The following AOPEP variants were observed in gnomAD, a reference collection of about 807,000 sequenced individuals.
AOPEP encodes aminopeptidase O (putative), also known as aminopeptidase O.
In AOPEP, 77 loss-of-function variants were observed where a neutral mutation model predicts 98.1. That is an observed-to-expected ratio of 0.78 (90% CI 0.65 to 0.95). AOPEP has a LOEUF of 0.95. Ranked by LOEUF, AOPEP falls within the 40% of genes least tolerant of loss-of-function variation. The pLI is 0.00. For missense variants in AOPEP, 1,024 were observed against 1,024.7 expected, an observed-to-expected ratio of 1.00 and a Z score of 0.01; for synonymous variants, 346 against 365.3, an observed-to-expected ratio of 0.95 and a Z score of 0.60.
chr9:95,139,106 G>A, the AOPEP span, among the ~76,000 whole-genome samples: 1 of 152,184 alleles, frequency 6.6e-6, no homozygotes, highest in African/African-American at 2.4e-5. Context: ...CAACATATTT[G>A]TGTTCTACCT....
intron 5 of AOPEP, among the ~76,000 whole-genome samples, chr9:94,854,389 A>G (rs1247091540): frequency 6.6e-6 from 1 of 152,114 alleles, no homozygotes; most frequent in Non-Finnish European, 1.5e-5. Context: ...TCTAAAGGCC[A>G]TTTCTATTAT....
intron 5 of AOPEP, among the ~76,000 whole-genome samples, chr9:94,803,480 G>T (rs991118011): frequency 1.3e-5 from 2 of 152,128 alleles, no homozygotes; most frequent in African/African-American, 4.8e-5. Context: ...ACGTATCATA[G>T]TTTTTATTGA....
intron 9 of AOPEP, among the ~76,000 whole-genome samples, chr9:94,956,689 A>G (rs1463326684): frequency 1.3e-5 from 2 of 152,250 alleles, no homozygotes; most frequent in African/African-American, 2.4e-5. Context: ...CAAGCAGCAC[A>G]TAGCAAGGAA....
At chr9:94,984,860 A>T (rs2060419346) in intron 11 of AOPEP, among the ~76,000 whole-genome samples, 1 of 152,220 alleles carries the variant, frequency 6.6e-6, no homozygotes, top group African/African-American at 2.4e-5. Flanking sequence ...GTAAAGATAG[A>T]GCTGGTTAAT....
chr9:94,967,950 A>T (rs2059308464), intron 10 of AOPEP, 149 bp downstream of exon 10: 11 of 675,746 alleles, frequency 1.6e-5, no homozygotes, highest in South Asian at 1.2e-4. Flanking sequence ...GGAGTACAGG[A>T]TCATCAGCCA....
intron 1 of AOPEP, among the ~76,000 whole-genome samples, chr9:94,732,310 T>C (rs1830739299): frequency 1.3e-5 from 2 of 151,906 alleles, no homozygotes; most frequent in African/African-American, 4.8e-5. Context: ...TAAGAATGGG[T>C]ACTAATTCCC....
intron 1 of AOPEP, among the ~76,000 whole-genome samples, chr9:94,754,517 T>C (rs1356883072): frequency 6.6e-6 from 1 of 151,914 alleles, no homozygotes; most frequent in Non-Finnish European, 1.5e-5. Flanking sequence ...GAAGAAAAAA[T>C]GAGATGTCTG....
chr9:94,819,894 A>C (rs1852619738), intron 5 of AOPEP, among the ~76,000 whole-genome samples: 1 of 151,408 alleles, frequency 6.6e-6, no homozygotes, highest in Non-Finnish European at 1.5e-5. Flanking sequence ...TTAATTTTGC[A>C]AAAGGACCAA....
intron 10 of AOPEP, among the ~76,000 whole-genome samples, chr9:94,973,573 C>G (rs902022652): frequency 1.3e-5 from 2 of 152,232 alleles, no homozygotes; most frequent in Non-Finnish European, 2.9e-5. Flanking sequence ...CATTGACACT[C>G]AGAGTCGCCC....
chr9:94,901,001 C>G (rs1052740181), intron 5 of AOPEP: 3 of 152,206 alleles, frequency 2.0e-5, no homozygotes, highest in Admixed American at 6.5e-5. Flanking sequence ...CCCTGGCAAA[C>G]TGGCCATTCC....
the AOPEP span, among the ~76,000 whole-genome samples, chr9:95,102,955 G>A: frequency 2.3e-4 from 35 of 152,228 alleles, no homozygotes; most frequent in African/African-American, 6.8e-4. Flanking sequence ...GGCTCCGGCT[G>A]TAGCCCAGGC....
the AOPEP span, chr9:95,126,971 G>A: frequency 3.8e-6 from 1 of 261,546 alleles, no homozygotes; most frequent in African/African-American, 2.2e-5. Flanking sequence ...ATGGCTAGAT[G>A]TGCCTCGAGG....
intron 11 of AOPEP, chr9:95,004,205 C>A: frequency 2.2e-6 from 1 of 455,978 alleles, no homozygotes; most frequent in Non-Finnish European, 4.4e-6. Flanking sequence ...CACCGGCAGG[C>A]GGGTTCCAGC....
chr9:94,802,403 T>C (rs1439742967), intron 5 of AOPEP, among the ~76,000 whole-genome samples: 1 of 152,196 alleles, frequency 6.6e-6, no homozygotes, highest in Non-Finnish European at 1.5e-5. Context: ...GTATTTTTCA[T>C]GCACAGGATT....
chr9:94,751,199 T>C (rs1353607369), intron 1 of AOPEP, among the ~76,000 whole-genome samples: 1 of 152,186 alleles, frequency 6.6e-6, no homozygotes, highest in Non-Finnish European at 1.5e-5. Flanking sequence ...GTTGGCGCCT[T>C]ACAGTTCTTG....
the AOPEP span, chr9:95,110,504 G>T: frequency 9.7e-7 from 1 of 1,030,274 alleles, no homozygotes. Flanking sequence ...AAATACATAC[G>T]TGGGTTATAA....
At chr9:95,141,985 GT>G in the AOPEP span, among the ~76,000 whole-genome samples, 680 of 83,142 alleles carry the variant, frequency 8.2e-3, 1 homozygote, top group African/African-American at 0.031. Flanking sequence ...AGTTTGTGGG[GT>G]TTTTTTTTTT....
chr9:94,935,254 A>T (rs1347156093), intron 7 of AOPEP: 3 of 152,238 alleles, frequency 2.0e-5, no homozygotes, highest in African/African-American at 7.2e-5. Flanking sequence ...GCCTTCTGCC[A>T]TAATTGTAAG....
chr9:95,135,243 T>C, the AOPEP span: 10 of 1,135,598 alleles, frequency 8.8e-6, no homozygotes, highest in South Asian at 2.5e-5. Flanking sequence ...AAGGTTCCAA[T>C]TGCTCTTTTG....
Sources: allele counts gnomAD v4.1 joint callset (sites outside exome capture counted in the v4.1 genomes callset), GRCh38; gene constraint gnomAD v4.1.1; transcripts MANE v1.5; gene names NCBI Gene and HGNC (gene_info 2026-07-23, HGNC 2026-07-21).